Variants in SHLD1 observed in about 807,000 individuals in gnomAD.
SHLD1 encodes shieldin complex subunit 1, also known as RINN1-REV7-interacting novel NHEJ regulator 3.
A neutral mutation model predicts 5.5 loss-of-function variants in SHLD1; 3 were observed. The ratio of observed to expected loss-of-function variants is 0.54; its 90% CI spans 0.25 to 1.40. The LOEUF (loss-of-function observed/expected upper bound fraction) is 1.40. Ranked by LOEUF, SHLD1 falls within the 40% of genes most tolerant of loss-of-function variation. The probability of loss-of-function intolerance (pLI) is 0.15; values close to 1 mark genes in which losing one functional copy is unlikely to be tolerated. For missense variants in SHLD1, 210 were observed against 244.4 expected (o/e 0.86, Z 0.94); for synonymous variants, 92 against 94.3 (o/e 0.98, Z 0.14).
chr20:5,847,481 C>A (rs958244872), intron 2 of SHLD1, among the ~76,000 whole-genome samples: 1 of 152,082 alleles, frequency 6.6e-6, no homozygotes, highest in Non-Finnish European at 1.5e-5. Flanking sequence ...CGGAAATAAT[C>A]TAATTGTGAG....
chr20:5,815,443 CAATGATGTGTA>C (rs1391514262), intron 2 of SHLD1, among the ~76,000 whole-genome samples: 1 of 152,120 alleles, frequency 6.6e-6, no homozygotes, highest in African/African-American at 2.4e-5. Context: ...AGGTGGAGGC[CAATGATGTGTA>C]AATAAGACCA....
At chr20:5,815,473 G>A (rs574863340) in intron 2 of SHLD1, among the ~76,000 whole-genome samples, 1 of 152,298 alleles carries the variant, frequency 6.6e-6, no homozygotes, top group South Asian at 2.1e-4. Context: ...CATAGAGCAG[G>A]AGTCAGCAGC....
At chr20:5,831,720 C>T (rs904368648) in intron 2 of SHLD1, among the ~76,000 whole-genome samples, 9 of 152,024 alleles carry the variant, frequency 5.9e-5, no homozygotes, top group African/African-American at 1.7e-4. Context: ...GTTGCCGAAT[C>T]CCTTTGATCT....
At chr20:5,838,532 A>C (rs1226610857) in intron 2 of SHLD1, among the ~76,000 whole-genome samples, 1 of 152,222 alleles carries the variant, frequency 6.6e-6, no homozygotes. Context: ...AGGCCAAGGC[A>C]GGCAGATCAC....
intron 2 of SHLD1, among the ~76,000 whole-genome samples, chr20:5,811,005 C>A (rs8121409): frequency 0.016 from 2,427 of 152,154 alleles, 24 homozygotes; most frequent in African/African-American, 0.029. Context: ...TGACCTAATA[C>A]TAATATATCA....
chr20:5,824,342 A>G (rs1474553285), intron 2 of SHLD1, among the ~76,000 whole-genome samples: 2 of 152,168 alleles, frequency 1.3e-5, no homozygotes, highest in African/African-American at 4.8e-5. Context: ...CTGGGCCTCC[A>G]TTCACCTCGC....
At chr20:5,763,559 C>T (rs1247989576) in intron 1 of SHLD1, among the ~76,000 whole-genome samples, 3 of 152,212 alleles carry the variant, frequency 2.0e-5, no homozygotes, top group South Asian at 2.1e-4. Context: ...GTGTAATTGA[C>T]GATTCTCCTG....
chr20:5,758,194 A>G (rs948008185), intron 1 of SHLD1, among the ~76,000 whole-genome samples: 2 of 150,774 alleles, frequency 1.3e-5, no homozygotes, highest in Non-Finnish European at 2.9e-5. Context: ...GAGAACCTGA[A>G]GGAGGTCCAT....
At position 5,773,503 on chromosome 20, in the gene SHLD1, G is replaced by A. The variant is rs547254459; in HGVS notation, c.178+460G>A. ...TAACAACCTTTCTACAAGGTTTCCTGACTAGATTGCCGAAACATCTATTAT... is the reference window on the plus strand; with the variant it reads ...TAACAACCTTTCTACAAGGTTTCCTAACTAGATTGCCGAAACATCTATTAT... On this transcript the variant is annotated intron_variant, in intron 2 of 2. Coordinates refer to ENST00000303142, the MANE Select transcript of SHLD1 (RefSeq NM_152504.4). 8.0e-5 allele frequency: 19 copies of A among 237,886 alleles called. No homozygotes were observed. The South Asian group carries it at 1.5e-3, about 19-fold the overall frequency. The allele number at this position is 237,886 out of a possible 1,614,324, so 14.7% of individuals were successfully genotyped here.
At chr20:5,755,785 T>C (rs879482292) in intron 1 of SHLD1, among the ~76,000 whole-genome samples, 2 of 152,022 alleles carry the variant, frequency 1.3e-5, no homozygotes, top group African/African-American at 4.8e-5. Context: ...TCTCAAACTC[T>C]CAACCTCAAG....
chr20:5,768,307 G>T (rs1004657857), intron 1 of SHLD1, among the ~76,000 whole-genome samples: 1 of 152,040 alleles, frequency 6.6e-6, no homozygotes, highest in African/African-American at 2.4e-5. Flanking sequence ...CCCCTGATAC[G>T]CTGTGGCACT....
At chr20:5,817,432 C>CTCTCTGTGTGTGTG (rs1473391202) in intron 2 of SHLD1, among the ~76,000 whole-genome samples, 19 of 85,666 alleles carry the variant, frequency 2.2e-4, no homozygotes, top group African/African-American at 8.3e-4. Context: ...CTCTCTCTCT[C>CTCTCTGTGTGTGTG]TGTGTGTGTG....
At chr20:5,828,728 G>A (rs2087694512) in intron 2 of SHLD1, among the ~76,000 whole-genome samples, 1 of 152,164 alleles carries the variant, frequency 6.6e-6, no homozygotes, top group Non-Finnish European at 1.5e-5. Flanking sequence ...ATATTTGATT[G>A]TAGTTTGTAC....
chr20:5,854,495 C>T (rs1449560597), intron 2 of SHLD1, among the ~76,000 whole-genome samples: 1 of 152,128 alleles, frequency 6.6e-6, no homozygotes, highest in Non-Finnish European at 1.5e-5. Context: ...AAGCATTCCT[C>T]CTTAAGTTAC....
chr20:5,809,281 A>G lies in SHLD1; in HGVS notation c.178+36238A>G, dbSNP rs747011239. Among the ~76,000 whole-genome samples the G allele has an allele frequency of 2.0e-4, 30 of 152,134 alleles. 1 individual carries two copies. The highest frequency in any genetic ancestry group is 1.0e-3 in the South Asian group (5 of 4,828). On this transcript the variant is annotated intron_variant, in intron 2 of 2. Transcript: ENST00000303142. ...TAATTCCATGAAACAAATACTAACT[A>G]TGGTTTAGAGTGAATCTTGACAGCA...
intron 2 of SHLD1, among the ~76,000 whole-genome samples, chr20:5,839,826 G>A (rs921834091): frequency 6.6e-6 from 1 of 152,202 alleles, no homozygotes; most frequent in African/African-American, 2.4e-5. Context: ...ACTAATGTGA[G>A]GAGCTGGCAG....
At chr20:5,820,381 G>A (rs543537251) in intron 2 of SHLD1, among the ~76,000 whole-genome samples, 30 of 152,328 alleles carry the variant, frequency 2.0e-4, no homozygotes, top group African/African-American at 7.0e-4. Context: ...CTTCAGAGAC[G>A]GAAAGCAAAT....
intron 2 of SHLD1, among the ~76,000 whole-genome samples, chr20:5,854,617 A>G (rs781041980): frequency 2.0e-5 from 3 of 152,236 alleles, no homozygotes; most frequent in African/African-American, 4.8e-5. Flanking sequence ...GGAGATAGCG[A>G]CAGCCAAGAC....
At chr20:5,839,365 T>G (rs2087827377) in intron 2 of SHLD1, among the ~76,000 whole-genome samples, 1 of 152,230 alleles carries the variant, frequency 6.6e-6, no homozygotes, top group African/African-American at 2.4e-5. Flanking sequence ...CTCTCCAGCT[T>G]TAGCCTATAC....
Sources: gnomAD v4.1 joint callset for allele counts (sites outside exome capture counted in the v4.1 genomes callset) on GRCh38, gnomAD v4.1.1 for gene constraint, MANE v1.5 for transcripts, NCBI Gene and HGNC (gene_info 2026-07-23, HGNC 2026-07-21) for gene names.